The following SLC16A7 variants were observed in gnomAD, a reference collection of about 807,000 sequenced individuals.
SLC16A7 encodes monocarboxylate transporter 2.
Under a neutral mutation model 34.9 loss-of-function variants are expected in SLC16A7, and 33 were observed. That is an observed-to-expected ratio of 0.94 (90% CI 0.72 to 1.26). The LOEUF (loss-of-function observed/expected upper bound fraction) is 1.26, where lower values mean the gene tolerates loss of function less well. Ranked by LOEUF, SLC16A7 falls within the 50% of genes most tolerant of loss-of-function variation. SLC16A7 has a pLI of 0.00. For missense variants in SLC16A7, 573 were observed against 578.1 expected (o/e 0.99, Z 0.09); for synonymous variants, 201 against 206.6 (o/e 0.97, Z 0.23).
chr12:59,720,415 A>T lies in SLC16A7; in HGVS notation c.217+15397A>T, dbSNP rs540752948. ...GTAGGGTAAACTTCTTGTATCACTA[A>T]AATGAAATAGTGAACAAAAGCATAT... is the stretch of plus-strand genomic sequence containing the variant. On this transcript the variant is annotated intron_variant, in intron 3 of 5. Coordinates refer to ENST00000547379, the MANE Select transcript of SLC16A7 (RefSeq NM_001270623.2). Among the ~76,000 whole-genome samples the T allele has an allele frequency of 1.4e-4, 22 of 152,246 alleles. No homozygotes were observed. In the South Asian group the frequency reaches 4.3e-3, roughly 30 times the overall value.
chr12:59,705,235 T>C (rs1210556196), intron 3 of SLC16A7, among the ~76,000 whole-genome samples: 1 of 152,184 alleles, frequency 6.6e-6, no homozygotes, highest in Non-Finnish European at 1.5e-5. Flanking sequence ...GGAGGATTTG[T>C]TTGAATAAGA....
chr12:59,783,046 A>G lies in SLC16A7; in HGVS notation c.*3367A>G, dbSNP rs1436595869. 6.6e-6 allele frequency: 1 copy of G among 152,194 alleles called. No individual in the cohort carries two copies. The highest frequency in any genetic ancestry group is 1.5e-5 in the Non-Finnish European group (1 of 68,030). 9.4% of individuals were successfully genotyped at this position (152,194 alleles called of 1,614,324 possible). A position where few individuals can be genotyped will look rare whatever the true frequency, so the allele number is the denominator to read the frequency against. Reference sequence around the variant, plus strand: ...GCTGTACAACATGACAATCAAGAATATAGAAAAGAAGACTAAAAGATATAT... The same window carrying G: ...GCTGTACAACATGACAATCAAGAATGTAGAAAAGAAGACTAAAAGATATAT... On this transcript the variant is annotated 3_prime_UTR_variant, in exon 6 of 6. Transcript: ENST00000547379.
chr12:59,636,424 T>G (rs1880430250), intron 1 of SLC16A7, among the ~76,000 whole-genome samples: 1 of 152,248 alleles, frequency 6.6e-6, no homozygotes, highest in East Asian at 1.9e-4. Flanking sequence ...CATACTTTTT[T>G]TTACATCTGG....
At chr12:59,721,991 A>C (rs1370151420) in intron 3 of SLC16A7, among the ~76,000 whole-genome samples, 2 of 151,830 alleles carry the variant, frequency 1.3e-5, no homozygotes, top group African/African-American at 2.4e-5. Flanking sequence ...TTGCTCCATA[A>C]ATGACCTTGC....
chr12:59,726,345 A>G (rs1433499822), intron 3 of SLC16A7, among the ~76,000 whole-genome samples: 1 of 152,100 alleles, frequency 6.6e-6, no homozygotes, highest in Non-Finnish European at 1.5e-5. Flanking sequence ...TATTGAAAGC[A>G]CAGAATAAAG....
At chr12:59,660,359 T>C (rs1021940231) in intron 2 of SLC16A7, among the ~76,000 whole-genome samples, 4 of 152,174 alleles carry the variant, frequency 2.6e-5, no homozygotes, top group Admixed American at 6.6e-5. Context: ...AATAAAAGCA[T>C]TGAAGCCATG....
At chr12:59,684,557 G>C (rs1048300982) in intron 2 of SLC16A7, among the ~76,000 whole-genome samples, 2 of 152,070 alleles carry the variant, frequency 1.3e-5, no homozygotes, top group African/African-American at 4.8e-5. Context: ...AGTGTCTCTG[G>C]TGGAGAGTGA....
At position 59,704,902 on chromosome 12, in the gene SLC16A7, A is replaced by G. The variant is rs777391165; in HGVS notation, c.101A>G (p.Tyr34Cys). Residue 34 changes from tyrosine to cysteine, a missense_variant, in exon 3 of 6, where the codon TAT becomes TGT. Coordinates refer to ENST00000547379, the MANE Select transcript of SLC16A7 (RefSeq NM_001270623.2). ...GAAFISIGFSYAFPKAVTVFF... is the reference protein window; with the variant it reads ...GAAFISIGFSCAFPKAVTVFF... ...GCTTTTATCTCCATTGGATTTTCCT[A>G]TGCATTCCCCAAAGCTGTCACCGTA... 8.1e-6 allele frequency: 13 copies of G among 1,613,608 alleles called. No homozygotes were observed. The highest frequency in any genetic ancestry group is 4.5e-5 in the East Asian group (2 of 44,852).
intron 2 of SLC16A7, 135 bp from the exon 3 acceptor site, chr12:59,704,637 G>C (rs1873345429): frequency 1.7e-6 from 1 of 586,994 alleles, no homozygotes; most frequent in Non-Finnish European, 3.0e-6. Context: ...AATTTTCTGA[G>C]TATAAGAGTG....
intron 1 of SLC16A7, among the ~76,000 whole-genome samples, chr12:59,649,458 A>G (rs938769740): frequency 6.6e-6 from 1 of 152,170 alleles, no homozygotes; most frequent in Non-Finnish European, 1.5e-5. Flanking sequence ...GTGTTTTGCT[A>G]TTTCATTTCC....
At chr12:59,658,166 T>C (rs1024481481) in intron 2 of SLC16A7, among the ~76,000 whole-genome samples, 1 of 152,012 alleles carries the variant, frequency 6.6e-6, no homozygotes, top group African/African-American at 2.4e-5. Flanking sequence ...TCACATGGTG[T>C]GTTTTAGTAA....
chr12:59,731,249 G>A (rs1876918355), intron 3 of SLC16A7, among the ~76,000 whole-genome samples: 1 of 152,200 alleles, frequency 6.6e-6, no homozygotes, highest in African/African-American at 2.4e-5. Context: ...CATGAGTTAA[G>A]TGGTAGAAAA....
intron 1 of SLC16A7, among the ~76,000 whole-genome samples, chr12:59,641,501 A>G (rs1880683767): frequency 2.6e-5 from 4 of 152,090 alleles, no homozygotes. Context: ...TTATAAGCCA[A>G]TACTTTTTTG....
chr12:59,713,540 A>G (rs1057070380), intron 3 of SLC16A7, among the ~76,000 whole-genome samples: 22 of 152,312 alleles, frequency 1.4e-4, no homozygotes, highest in African/African-American at 4.8e-4. Flanking sequence ...ATATTTTTTC[A>G]TTATAATAGT....
At chr12:59,728,391 C>T (rs1392858151) in intron 3 of SLC16A7, among the ~76,000 whole-genome samples, 1 of 152,172 alleles carries the variant, frequency 6.6e-6, no homozygotes, top group East Asian at 1.9e-4. Flanking sequence ...AAGCAAGTAA[C>T]AATTTGCAGA....
chr12:59,718,826 G>A (rs1693607), intron 3 of SLC16A7, among the ~76,000 whole-genome samples: 18,653 of 152,120 alleles, frequency 0.12, 1,495 homozygotes, highest in African/African-American at 0.22. Context: ...TAAAAGAATT[G>A]TAGACATAAG....
chr12:59,611,819 T>TA (rs1879208314), intron 1 of SLC16A7, among the ~76,000 whole-genome samples: 1 of 152,200 alleles, frequency 6.6e-6, no homozygotes, highest in Non-Finnish European at 1.5e-5. Context: ...CATTTAACCT[T>TA]AAAGTTCCAA....
intron 1 of SLC16A7, among the ~76,000 whole-genome samples, chr12:59,617,347 A>G (rs1005497003): frequency 1.3e-5 from 2 of 152,028 alleles, no homozygotes; most frequent in Admixed American, 6.6e-5. Flanking sequence ...TATTCAGACA[A>G]TTGCTAGGTT....
At chr12:59,745,094 C>A (rs941307097) in intron 3 of SLC16A7, among the ~76,000 whole-genome samples, 2 of 152,068 alleles carry the variant, frequency 1.3e-5, no homozygotes, top group African/African-American at 4.8e-5. Context: ...GGTATTTACA[C>A]CCCTCCCCTC....
Sources: gnomAD v4.1 joint callset for allele counts (sites outside exome capture counted in the v4.1 genomes callset) on GRCh38, gnomAD v4.1.1 for gene constraint, MANE v1.5 for transcripts, NCBI Gene and HGNC (gene_info 2026-07-23, HGNC 2026-07-21) for gene names.